The following LRP1B variants were observed in gnomAD, a reference collection of about 807,000 sequenced individuals.
LRP1B encodes LDL receptor related protein 1B.
In LRP1B, 217 loss-of-function variants were observed where a neutral mutation model predicts 556.6. That is an observed-to-expected ratio of 0.39 (90% CI 0.35 to 0.44). LRP1B has a LOEUF of 0.44. Among genes scored for constraint, LRP1B ranks in the 20% least tolerant of loss-of-function variants. The pLI is 1.00. For missense variants in LRP1B, 5,053 were observed against 5,620.8 expected, an observed-to-expected ratio of 0.90 and a Z score of 3.23; for synonymous variants, 2,047 against 1,865.8, an observed-to-expected ratio of 1.10 and a Z score of -2.50.
chr2:141,473,923 A>G (rs1682581294), intron 3 of LRP1B, among the ~76,000 whole-genome samples: 1 of 120,988 alleles, frequency 8.3e-6, no homozygotes. Context: ...TGAGGCTATG[A>G]CAAGATTAAT....
chr2:140,392,065 G>C (rs1438316179), intron 66 of LRP1B, among the ~76,000 whole-genome samples: 1 of 152,152 alleles, frequency 6.6e-6, no homozygotes, highest in African/African-American at 2.4e-5. Context: ...GGTAATAAAA[G>C]AGGGATATTT....
intron 3 of LRP1B, among the ~76,000 whole-genome samples, chr2:141,275,790 G>T (rs1366983245): frequency 6.6e-6 from 1 of 152,082 alleles, no homozygotes; most frequent in Admixed American, 6.6e-5. Flanking sequence ...TCAAAGAAAA[G>T]CTAAAAGTGG....
chr2:140,318,270 G>A (rs2105044083), intron 82 of LRP1B, among the ~76,000 whole-genome samples: 1 of 152,108 alleles, frequency 6.6e-6, no homozygotes, highest in South Asian at 2.1e-4. Context: ...TATTTTTCAA[G>A]ACCTATATGT....
intron 2 of LRP1B, among the ~76,000 whole-genome samples, chr2:141,783,910 G>T (rs1032828343): frequency 6.6e-6 from 1 of 151,698 alleles, no homozygotes; most frequent in African/African-American, 2.4e-5. Context: ...GGATATATTA[G>T]ACAAGTATTT....
chr2:141,412,654 C>A (rs1352455391), intron 3 of LRP1B, among the ~76,000 whole-genome samples: 1 of 152,068 alleles, frequency 6.6e-6, no homozygotes, highest in Non-Finnish European at 1.5e-5. Context: ...ACGTACAATG[C>A]AACATATTTC....
At chr2:141,450,428 GT>G (rs1478873223) in intron 3 of LRP1B, among the ~76,000 whole-genome samples, 1 of 152,078 alleles carries the variant, frequency 6.6e-6, no homozygotes, top group Non-Finnish European at 1.5e-5. Flanking sequence ...GGTATATGGA[GT>G]TGTGGTTACA....
chr2:141,219,420 CCAGGGTTTTATGGATAAAA>C lies in LRP1B; in HGVS notation c.850+9744_850+9762del, dbSNP rs1407611140. Among the ~76,000 whole-genome samples, 13 of 152,314 alleles carry C rather than the reference CCAGGGTTTTATGGATAAAA, an allele frequency of 8.5e-5. No homozygotes were observed. The East Asian group carries it at 2.5e-3, about 30-fold the overall frequency. On this transcript the variant is annotated intron_variant, in intron 6 of 90. Transcript: ENST00000389484. ...CCTGCAGGAATTGCTGCAACTATAG[CCAGGGTTTTATGGATAAAA>C]CTCTGATATTCCTGGGAAGGAGACC...
At chr2:141,451,133 G>T (rs981568586) in intron 3 of LRP1B, among the ~76,000 whole-genome samples, 1 of 152,164 alleles carries the variant, frequency 6.6e-6, no homozygotes, top group Non-Finnish European at 1.5e-5. Context: ...CTGAATATTG[G>T]TAATACCTGA....
intron 35 of LRP1B, among the ~76,000 whole-genome samples, chr2:140,768,971 A>T (rs996968583): frequency 6.6e-6 from 1 of 151,926 alleles, no homozygotes; most frequent in African/African-American, 2.4e-5. Context: ...ACCAAGTGCC[A>T]ATGGTGGTAT....
At chr2:140,357,827 T>G (rs559049860) in intron 74 of LRP1B, 152 bp downstream of exon 74, 1 of 803,620 alleles carries the variant, frequency 1.2e-6, no homozygotes, top group Non-Finnish European at 1.9e-6. Flanking sequence ...TTAAGTAATA[T>G]TCTAATGTTG....
intron 27 of LRP1B, among the ~76,000 whole-genome samples, chr2:140,859,838 C>CA (rs1375587577): frequency 2.6e-5 from 4 of 151,706 alleles, no homozygotes; most frequent in East Asian, 3.9e-4. Context: ...ACTAAAAATA[C>CA]AAAAAAATTA....
intron 2 of LRP1B, among the ~76,000 whole-genome samples, chr2:141,685,886 T>TA (rs879741853): frequency 2.0e-4 from 31 of 151,238 alleles, no homozygotes; most frequent in Middle Eastern, 3.4e-3. Context: ...TTTTCATATA[T>TA]AAAAAAAAAT....
chr2:140,280,329 G>A (rs1682862836), intron 84 of LRP1B, among the ~76,000 whole-genome samples: 1 of 151,830 alleles, frequency 6.6e-6, no homozygotes, highest in South Asian at 2.1e-4. Context: ...GAAAAATATA[G>A]ATAAAAGATT....
intron 2 of LRP1B, among the ~76,000 whole-genome samples, chr2:141,597,275 C>T (rs1178313597): frequency 1.3e-5 from 2 of 151,916 alleles, no homozygotes; most frequent in Non-Finnish European, 2.9e-5. Context: ...TTCCAACTTG[C>T]TTTATCTCCA....
intron 66 of LRP1B, among the ~76,000 whole-genome samples, chr2:140,414,933 A>G (rs1685120425): frequency 6.6e-6 from 1 of 152,116 alleles, no homozygotes; most frequent in Non-Finnish European, 1.5e-5. Flanking sequence ...TGCAAATAGG[A>G]GATATATCGC....
Position 142,107,731 on chromosome 2 carries a change from G to A in LRP1B, c.82+22917C>T, listed in dbSNP as rs532884918. Among the ~76,000 whole-genome samples, 13 of 150,892 alleles carry A rather than the reference G, an allele frequency of 8.6e-5. No individual in the cohort carries two copies. The East Asian group carries it at 2.2e-3, about 25-fold the overall frequency. On this transcript the variant is annotated intron_variant, in intron 1 of 90. Transcript: ENST00000389484. ...CAACCTCCGCCTCCTGGGTTCAAGC[G>A]ATTCTCCTGTCTCAGCCCCCTGAGT...
chr2:140,479,520 GA>G (rs1361533701), intron 59 of LRP1B, among the ~76,000 whole-genome samples: 20 of 152,064 alleles, frequency 1.3e-4, no homozygotes, highest in Non-Finnish European at 2.5e-4. Flanking sequence ...AGGCCTCTGT[GA>G]ATTTGAGAAT....
At chr2:140,715,840 CAT>C (rs760495583) in intron 37 of LRP1B, 131 bp downstream of exon 37, 1 of 638,470 alleles carries the variant, frequency 1.6e-6, no homozygotes, top group Non-Finnish European at 2.5e-6. Context: ...TGAATATAAA[CAT>C]TTTTTTCTGC....
chr2:140,948,624 C>A lies in LRP1B; in HGVS notation c.3136+1611G>T, dbSNP rs1231240346. 2.0e-5 allele frequency among the ~76,000 whole-genome samples: 3 copies of A among 152,288 alleles called. No homozygotes were observed. In the East Asian group the frequency reaches 5.8e-4, roughly 29 times the overall value. ...GAATTCAAATATGCTTATGTTAAATCTTATAGGATGTCACAAATAATTTCT... is the reference window on the plus strand; with the variant it reads ...GAATTCAAATATGCTTATGTTAAATATTATAGGATGTCACAAATAATTTCT... On this transcript the variant is annotated intron_variant, in intron 20 of 90. Coordinates refer to ENST00000389484, the MANE Select transcript of LRP1B (RefSeq NM_018557.3).
Sources: allele counts gnomAD v4.1 joint callset (sites outside exome capture counted in the v4.1 genomes callset), GRCh38; gene constraint gnomAD v4.1.1; transcripts MANE v1.5; gene names NCBI Gene and HGNC (gene_info 2026-07-23, HGNC 2026-07-21).